Variants in MON2 observed in about 807,000 individuals in gnomAD.
The protein encoded by MON2 is MON2 regulator of endosome-to-Golgi trafficking, also known as protein MON2 homolog.
Under a neutral mutation model 208.6 loss-of-function variants are expected in MON2, and 84 were observed. The observed-to-expected ratio is 0.40, with a 90% CI of 0.34 to 0.48. The LOEUF (loss-of-function observed/expected upper bound fraction) is 0.48, where lower values mean the gene tolerates loss of function less well. Among genes scored for constraint, MON2 ranks in the 20% least tolerant of loss-of-function variants. MON2 has a pLI of 0.59. For missense variants in MON2, 1,611 were observed against 2,015.4 expected (o/e 0.80, Z 3.84); for synonymous variants, 660 against 694.0 (o/e 0.95, Z 0.77).
At chr12:62,557,037 A>G (rs954162723) in intron 25 of MON2, among the ~76,000 whole-genome samples, 3 of 152,260 alleles carry the variant, frequency 2.0e-5, no homozygotes, top group African/African-American at 7.2e-5. Flanking sequence ...GCAGTTAGCC[A>G]AGATCGTGCC....
intron 13 of MON2, among the ~76,000 whole-genome samples, chr12:62,535,255 A>G (rs960530812): frequency 6.6e-6 from 1 of 152,290 alleles, no homozygotes; most frequent in East Asian, 1.9e-4. Flanking sequence ...ACTGGTTTCA[A>G]AATGCTTGAT....
At position 62,549,655 on chromosome 12, in the gene MON2, C is replaced by A; in HGVS notation, c.2754-13C>A. 1.3e-6 allele frequency: 2 copies of A among 1,579,190 alleles called. No individual in the cohort carries two copies. Among genetic ancestry groups the A allele is most frequent in the Admixed American group, 2.0e-5 (1 of 50,894 alleles). On this transcript the variant is annotated splice_polypyrimidine_tract_variant and intron_variant, in intron 22 of 34. Transcript: ENST00000393630. ...AAAATAAGTGCATCTGTATACATTTCTTTTGTTTTCAGAGAATCCTTGATA... is the reference window on the plus strand; with the variant it reads ...AAAATAAGTGCATCTGTATACATTTATTTTGTTTTCAGAGAATCCTTGATA...
intron 1 of MON2, among the ~76,000 whole-genome samples, chr12:62,479,969 C>G (rs2069313618): frequency 6.6e-6 from 1 of 152,132 alleles, no homozygotes. Context: ...GCGAAGACCT[C>G]TGTTCATACA....
intron 19 of MON2, among the ~76,000 whole-genome samples, chr12:62,541,115 C>A (rs1447570951): frequency 6.6e-6 from 1 of 152,170 alleles, no homozygotes; most frequent in Non-Finnish European, 1.5e-5. Context: ...AGCGTGGTGG[C>A]TTACGCCTGT....
chr12:62,566,244 A>G (rs557072108), intron 28 of MON2, 78 bp from the exon 29 acceptor site: 3 of 1,516,584 alleles, frequency 2.0e-6, no homozygotes, highest in African/African-American at 2.8e-5. Context: ...TAAGACAAAG[A>G]TGCTTTCTCT....
At chr12:62,497,914 C>A (rs2070615905) in intron 4 of MON2, among the ~76,000 whole-genome samples, 1 of 152,042 alleles carries the variant, frequency 6.6e-6, no homozygotes, top group South Asian at 2.1e-4. Flanking sequence ...CCATGCCCAG[C>A]CAACTGGCGG....
chr12:62,592,240 T>A (rs1041503625), intron 34 of MON2, among the ~76,000 whole-genome samples: 1 of 152,216 alleles, frequency 6.6e-6, no homozygotes, highest in African/African-American at 2.4e-5. Context: ...TCTTGAAATG[T>A]ACACTACATC....
chr12:62,474,502 G>A (rs1033052100), intron 1 of MON2, among the ~76,000 whole-genome samples: 4 of 151,998 alleles, frequency 2.6e-5, no homozygotes, highest in African/African-American at 7.2e-5. Flanking sequence ...TCGGCTCACC[G>A]CAACTTCTGC....
intron 24 of MON2, 84 bp from the exon 25 acceptor site, chr12:62,555,910 G>A (rs1328721248): frequency 4.9e-6 from 5 of 1,013,596 alleles, no homozygotes; most frequent in Non-Finnish European, 7.3e-6. Context: ...GTAACAATTT[G>A]TAGATTCTTA....
At chr12:62,493,060 A>G (rs1021355250) in intron 2 of MON2, among the ~76,000 whole-genome samples, 1 of 151,966 alleles carries the variant, frequency 6.6e-6, no homozygotes, top group Non-Finnish European at 1.5e-5. Flanking sequence ...AACACACAAA[A>G]CAAATAATCG....
At chr12:62,571,634 C>CA in intron 30 of MON2, 52 bp downstream of exon 30, 1 of 1,386,148 alleles carries the variant, frequency 7.2e-7, no homozygotes, top group Non-Finnish European at 9.9e-7. Flanking sequence ...ATTATATCTT[C>CA]AGTTGCTCTA....
At position 62,598,252 on chromosome 12, in the gene MON2, A is replaced by G. The variant is rs2075565546; in HGVS notation, c.*5503A>G. The G allele has an allele frequency of 1.3e-5, 2 of 152,182 alleles. No homozygotes were observed. The highest frequency in any genetic ancestry group is 2.9e-5 in the Non-Finnish European group (2 of 68,040). The allele number at this position is 152,182 out of a possible 1,614,324, so 9.4% of individuals were successfully genotyped here. On this transcript the variant is annotated 3_prime_UTR_variant, in exon 35 of 35. Coordinates refer to ENST00000393630, the MANE Select transcript of MON2 (RefSeq NM_015026.3). ...TGGTATTGATTCTATCCCCTCAAGT[A>G]TGAAAAAATTAAATTTTCAGACCAT...
At chr12:62,550,991 C>G (rs956072659) in intron 23 of MON2, among the ~76,000 whole-genome samples, 1 of 147,232 alleles carries the variant, frequency 6.8e-6, no homozygotes, top group South Asian at 2.1e-4. Context: ...ATGATCTTGG[C>G]TCACTGCAAC....
At chr12:62,476,268 G>A (rs188684615) in intron 1 of MON2, among the ~76,000 whole-genome samples, 3 of 152,078 alleles carry the variant, frequency 2.0e-5, no homozygotes, top group Admixed American at 6.6e-5. Flanking sequence ...TGAGCATTTT[G>A]TCACCTAAAG....
intron 7 of MON2, among the ~76,000 whole-genome samples, chr12:62,507,914 G>A (rs2071188211): frequency 6.6e-6 from 1 of 151,976 alleles, no homozygotes; most frequent in South Asian, 2.1e-4. Flanking sequence ...GACTACTGGT[G>A]CGTGCCACCA....
rs372285059 is a variant in MON2 at position 62,502,731 on chromosome 12, G to A, written c.789+1033G>A. Among the ~76,000 whole-genome samples the A allele has an allele frequency of 5.3e-5, 8 of 152,140 alleles. No homozygotes were observed. In the East Asian group the frequency reaches 1.2e-3, roughly 22 times the overall value. ...AACTAAAGTCCAAAATCAAGTCAGT[G>A]ACTTGCACAGGGTCCCTTAGTTATT... On this transcript the variant is annotated intron_variant, in intron 7 of 34. Transcript: ENST00000393630.
chr12:62,585,099 ACACACACAC>A (rs2075164618), intron 32 of MON2, among the ~76,000 whole-genome samples, 186 bp from the exon 33 acceptor site: 4 of 108,754 alleles, frequency 3.7e-5, no homozygotes, highest in Non-Finnish European at 5.3e-5. Context: ...ACACACACAC[ACACACACAC>A]ACAAAACAAA....
intron 8 of MON2, among the ~76,000 whole-genome samples, chr12:62,510,433 C>T (rs549631197): frequency 1.6e-4 from 24 of 152,236 alleles, no homozygotes; most frequent in East Asian, 5.8e-4. Context: ...AAGGATTCCA[C>T]GCCATGACCA....
At chr12:62,550,331 C>T (rs1382950240) in intron 23 of MON2, among the ~76,000 whole-genome samples, 1 of 151,938 alleles carries the variant, frequency 6.6e-6, no homozygotes, top group Non-Finnish European at 1.5e-5. Context: ...GAGTTTGAGA[C>T]CAGGCTGGGC....
Sources: gnomAD v4.1 joint callset for allele counts (sites outside exome capture counted in the v4.1 genomes callset) on GRCh38, gnomAD v4.1.1 for gene constraint, MANE v1.5 for transcripts, NCBI Gene and HGNC (gene_info 2026-07-23, HGNC 2026-07-21) for gene names.